Variants in FAF1 observed in about 807,000 individuals in gnomAD.
FAF1 encodes the protein Fas associated factor 1, also known as FAS-associated factor 1.
FAF1 carries 25 observed loss-of-function variants against 92.5 expected under a neutral mutation model. The observed-to-expected ratio is 0.27, with a 90% CI of 0.20 to 0.38. The LOEUF (loss-of-function observed/expected upper bound fraction) is 0.38, where lower values mean the gene tolerates loss of function less well. Among genes scored for constraint, FAF1 ranks in the 10% least tolerant of loss-of-function variants. The pLI, the probability that FAF1 is intolerant of heterozygous loss-of-function variation, is 1.00. For synonymous variants in FAF1, 234 were observed against 273.2 expected, an observed-to-expected ratio of 0.86 and a Z score of 1.42; for missense variants, 636 against 793.3, an observed-to-expected ratio of 0.80 and a Z score of 2.38.
At chr1:50,499,299 T>A (rs1248205869) in intron 15 of FAF1, among the ~76,000 whole-genome samples, 1 of 151,898 alleles carries the variant, frequency 6.6e-6, no homozygotes, top group African/African-American at 2.4e-5. Flanking sequence ...TATCCCTCCC[T>A]TTTTCCTGAT....
At chr1:50,490,969 A>C (rs190901497) in intron 16 of FAF1, among the ~76,000 whole-genome samples, 46 of 151,928 alleles carry the variant, frequency 3.0e-4, no homozygotes, top group African/African-American at 1.0e-3. Flanking sequence ...TTCCTTTCTG[A>C]CCTTTTCTAT....
At chr1:50,542,572 G>A (rs964025566) in intron 13 of FAF1, among the ~76,000 whole-genome samples, 2 of 152,118 alleles carry the variant, frequency 1.3e-5, no homozygotes, top group Non-Finnish European at 2.9e-5. Flanking sequence ...CCAGTGGCAG[G>A]GCCAAAGTTG....
intron 8 of FAF1, among the ~76,000 whole-genome samples, chr1:50,617,701 T>TTG (rs1012040026): frequency 2.0e-5 from 3 of 151,356 alleles, no homozygotes; most frequent in Admixed American, 2.0e-4. Flanking sequence ...CTGTTTTTTT[T>TTG]TTTTTTTTTT....
chr1:50,644,767 G>A (rs905484770), intron 8 of FAF1, among the ~76,000 whole-genome samples: 1 of 152,202 alleles, frequency 6.6e-6, no homozygotes, highest in African/African-American at 2.4e-5. Context: ...TTTACAGAGA[G>A]GGGGAAAATC....
At chr1:50,810,477 C>G (rs1296229641) in intron 2 of FAF1, among the ~76,000 whole-genome samples, 1 of 152,154 alleles carries the variant, frequency 6.6e-6, no homozygotes, top group Non-Finnish European at 1.5e-5. Context: ...CAACATCACA[C>G]TGAATGGGCA....
intron 1 of FAF1, among the ~76,000 whole-genome samples, chr1:50,879,643 C>A (rs962098700): frequency 2.0e-5 from 3 of 152,172 alleles, no homozygotes; most frequent in Non-Finnish European, 4.4e-5. Flanking sequence ...ATGTAATTGT[C>A]TTTTGAGGCT....
At chr1:50,761,402 C>T in intron 4 of FAF1, among the ~76,000 whole-genome samples, 1 of 152,190 alleles carries the variant, frequency 6.6e-6, no homozygotes, top group East Asian at 1.9e-4. Flanking sequence ...GAATTTTAGA[C>T]CAATATCCTT....
chr1:50,549,887 C>A (rs976696357), intron 13 of FAF1, among the ~76,000 whole-genome samples: 1 of 152,292 alleles, frequency 6.6e-6, no homozygotes, highest in Admixed American at 6.5e-5. Flanking sequence ...GGATTACAGG[C>A]ATGAGCCACT....
chr1:50,667,116 C>G (rs1368954104), intron 7 of FAF1, among the ~76,000 whole-genome samples: 1 of 152,158 alleles, frequency 6.6e-6, no homozygotes, highest in African/African-American at 2.4e-5. Flanking sequence ...GGGCAGAGTT[C>G]CTGGTGTCAC....
intron 8 of FAF1, among the ~76,000 whole-genome samples, chr1:50,603,228 C>G (rs939031493): frequency 6.6e-6 from 1 of 152,202 alleles, no homozygotes; most frequent in Non-Finnish European, 1.5e-5. Context: ...TAGTCAGAAA[C>G]TACATAGTAA....
chr1:50,783,448 G>T (rs1172587218), intron 4 of FAF1, among the ~76,000 whole-genome samples: 1 of 152,134 alleles, frequency 6.6e-6, no homozygotes, highest in Non-Finnish European at 1.5e-5. Flanking sequence ...CAGATGCAAA[G>T]ATCCTCAACA....
chr1:50,870,379 C>T (rs1644517811), intron 1 of FAF1, among the ~76,000 whole-genome samples: 1 of 152,232 alleles, frequency 6.6e-6, no homozygotes, highest in Admixed American at 6.5e-5. Flanking sequence ...ATCACTTGAA[C>T]GCGCGAGGCA....
chr1:50,900,943 G>A (rs1008821072), intron 1 of FAF1, among the ~76,000 whole-genome samples: 3 of 151,566 alleles, frequency 2.0e-5, no homozygotes, highest in African/African-American at 7.3e-5. Flanking sequence ...TGATCTTGAT[G>A]TGATTTCTAA....
chr1:50,546,190 AAAATT>A (rs1332980432), intron 13 of FAF1, among the ~76,000 whole-genome samples: 2 of 152,158 alleles, frequency 1.3e-5, no homozygotes, highest in African/African-American at 4.8e-5. Flanking sequence ...TTGGTTAAAT[AAAATT>A]ATAGTATATT....
intron 6 of FAF1, among the ~76,000 whole-genome samples, chr1:50,717,193 ACT>A (rs1188527432): frequency 2.0e-5 from 3 of 152,140 alleles, no homozygotes; most frequent in African/African-American, 7.2e-5. Context: ...GCTGCTATGA[ACT>A]GAATGTTTGT....
chr1:50,513,297 T>C (rs529886446), intron 15 of FAF1, among the ~76,000 whole-genome samples: 7 of 152,262 alleles, frequency 4.6e-5, no homozygotes, highest in African/African-American at 1.7e-4. Flanking sequence ...CTGGACAAGA[T>C]GGAGAAACCC....
chr1:50,839,802 C>A (rs1330072632), intron 2 of FAF1, among the ~76,000 whole-genome samples: 1 of 152,046 alleles, frequency 6.6e-6, no homozygotes, highest in Non-Finnish European at 1.5e-5. Flanking sequence ...TCCCAAGATA[C>A]TTGAACAAGA....
chr1:50,637,706 T>TGTGTGTGTGTGTGTGC (rs1186385884), intron 8 of FAF1, among the ~76,000 whole-genome samples: 248 of 150,420 alleles, frequency 1.6e-3, no homozygotes, highest in Non-Finnish European at 2.8e-3. Flanking sequence ...TGTGTGTGTG[T>TGTGTGTGTGTGTGTGC]GTGTGTGCGT....
Position 50,779,991 on chromosome 1 carries a change from G to GACACACAC in FAF1, c.367+8001_367+8008dup, listed in dbSNP as rs57528056. ...ACAAGCACACATGCACAGACAGACA[G>GACACACAC]ACACACACACACACACACACACACA... On this transcript the variant is annotated intron_variant, in intron 4 of 18. Transcript: ENST00000396153. 1.4e-3 allele frequency among the ~76,000 whole-genome samples: 208 copies of GACACACAC among 145,532 alleles called. 1 individual carries two copies. The highest frequency in any genetic ancestry group is 5.0e-3 in the African/African-American group (197 of 39,384).
Sources: allele counts gnomAD v4.1 joint callset (sites outside exome capture counted in the v4.1 genomes callset), GRCh38; gene constraint gnomAD v4.1.1; transcripts MANE v1.5; gene names NCBI Gene and HGNC (gene_info 2026-07-23, HGNC 2026-07-21).